The following FRMD5 variants were observed in gnomAD, a reference collection of about 807,000 sequenced individuals.
FRMD5 encodes FERM domain containing 5.
Under a neutral mutation model 69.0 loss-of-function variants are expected in FRMD5, and 20 were observed. The ratio of observed to expected loss-of-function variants is 0.29; its 90% confidence interval spans 0.20 to 0.42. The LOEUF is 0.42. Among genes scored for constraint, FRMD5 ranks in the 10% least tolerant of loss-of-function variants. The probability of loss-of-function intolerance (pLI) is 1.00; values close to 1 mark genes in which losing one functional copy is unlikely to be tolerated. For synonymous variants in FRMD5, 271 were observed against 260.1 expected, an observed-to-expected ratio of 1.04 and a Z score of -0.40; for missense variants, 595 against 708.6, an observed-to-expected ratio of 0.84 and a Z score of 1.82.
chr15:43,880,802 G>C (rs1423265093), intron 13 of FRMD5, among the ~76,000 whole-genome samples: 1 of 152,190 alleles, frequency 6.6e-6, no homozygotes, highest in Non-Finnish European at 1.5e-5. Context: ...CTGGCCCTAG[G>C]GGGCCTATAC....
intron 1 of FRMD5, among the ~76,000 whole-genome samples, chr15:43,939,114 G>A (rs556044041): frequency 9.2e-5 from 14 of 151,750 alleles, no homozygotes; most frequent in African/African-American, 3.1e-4. Context: ...CAGGTGATCC[G>A]CCTGCCTCGG....
chr15:44,073,059 G>A (rs553219257), intron 1 of FRMD5, among the ~76,000 whole-genome samples: 7 of 152,136 alleles, frequency 4.6e-5, no homozygotes, highest in Admixed American at 4.6e-4. Context: ...GCCAGAGCCT[G>A]GGAGTTAAAG....
intron 1 of FRMD5, among the ~76,000 whole-genome samples, chr15:44,122,665 A>G (rs1377034079): frequency 6.6e-6 from 1 of 152,222 alleles, no homozygotes; most frequent in Non-Finnish European, 1.5e-5. Flanking sequence ...GGCCCAACCC[A>G]GGCTGAGGGC....
rs777005934 is a variant in FRMD5, at chr15:44,194,879, C to T, written c.102+74G>A. Reference sequence around the variant, plus strand: ...GCTGGGGCGACCCCTGGGCGGCGGCCGCCGCCGGCCAAGTTGACCAGACTT... The same window carrying T: ...GCTGGGGCGACCCCTGGGCGGCGGCTGCCGCCGGCCAAGTTGACCAGACTT... On this transcript the variant is annotated intron_variant, in intron 1 of 13. Transcript: ENST00000417257. 22 of 1,330,504 alleles carry T rather than the reference C, an allele frequency of 1.7e-5. No homozygotes were observed. In the African/African-American group the frequency reaches 3.0e-4, roughly 18 times the overall value. The allele number at this position is 1,330,504 out of a possible 1,614,324, so 82.4% of individuals were successfully genotyped here. A position where few individuals can be genotyped will look rare whatever the true frequency, so the allele number is the denominator to read the frequency against.
At chr15:43,914,183 G>C (rs2089341625) in intron 4 of FRMD5, among the ~76,000 whole-genome samples, 1 of 152,182 alleles carries the variant, frequency 6.6e-6, no homozygotes, top group African/African-American at 2.4e-5. Context: ...TGATATCAGA[G>C]GGTAGAAATG....
intron 1 of FRMD5, among the ~76,000 whole-genome samples, chr15:44,136,745 T>C (rs779672905): frequency 3.3e-5 from 5 of 152,188 alleles, no homozygotes; most frequent in Non-Finnish European, 7.3e-5. Flanking sequence ...TGCAATGTTA[T>C]GGTTGAGACA....
chr15:44,128,834 TA>T (rs942657188), intron 1 of FRMD5, among the ~76,000 whole-genome samples: 7 of 148,778 alleles, frequency 4.7e-5, no homozygotes, highest in Non-Finnish European at 7.4e-5. Flanking sequence ...TTAAAGGAGC[TA>T]AAAAAAAGAA....
At chr15:44,139,238 TAAA>T (rs2077230653) in intron 1 of FRMD5, among the ~76,000 whole-genome samples, 1 of 151,586 alleles carries the variant, frequency 6.6e-6, no homozygotes, top group Non-Finnish European at 1.5e-5. Flanking sequence ...TTATGAATGT[TAAA>T]AACTTAGAAA....
intron 1 of FRMD5, among the ~76,000 whole-genome samples, chr15:44,112,460 C>T (rs1298109921): frequency 6.6e-6 from 1 of 151,112 alleles, no homozygotes; most frequent in Non-Finnish European, 1.5e-5. Context: ...TGCCACTGCA[C>T]CTTCACTGAT....
At chr15:43,884,637 G>T in intron 12 of FRMD5, 90 bp downstream of exon 12, 1 of 1,172,258 alleles carries the variant, frequency 8.5e-7, no homozygotes, top group Admixed American at 2.0e-5. Flanking sequence ...GTAGCCACTG[G>T]AGCCAGGGGC....
chr15:43,979,010 T>A (rs2090507646), intron 1 of FRMD5, among the ~76,000 whole-genome samples: 1 of 152,204 alleles, frequency 6.6e-6, no homozygotes, highest in South Asian at 2.1e-4. Flanking sequence ...AGGACAACAC[T>A]ATTTTTGGCA....
At chr15:43,946,003 C>T (rs1384521912) in intron 1 of FRMD5, among the ~76,000 whole-genome samples, 4 of 151,690 alleles carry the variant, frequency 2.6e-5, no homozygotes, top group African/African-American at 7.3e-5. Context: ...TGTAGTGAGC[C>T]GAGATTGCAC....
chr15:44,144,609 T>C (rs991780245), intron 1 of FRMD5, among the ~76,000 whole-genome samples: 1 of 152,214 alleles, frequency 6.6e-6, no homozygotes, highest in African/African-American at 2.4e-5. Flanking sequence ...GCTAAGTGGT[T>C]TCTGTGAACT....
At chr15:44,132,231 C>T (rs551793731) in intron 1 of FRMD5, among the ~76,000 whole-genome samples, 2 of 152,308 alleles carry the variant, frequency 1.3e-5, no homozygotes, top group African/African-American at 4.8e-5. Flanking sequence ...TGGCTGTAAA[C>T]ACAGATGAAG....
Position 43,873,939 on chromosome 15 carries a change from C to T in FRMD5, c.1659G>A (p.Arg553=). ...AGCGGATTTTGCAGGCAAACCATCG[C>T]CTGAGGGGACAAAAGTATTGATAGT... ...QFHYQYFCPL[R]RWFACKIRSV... Residue 553 remains arginine (R), a synonymous_variant, in exon 14 of 14, where the codon AGG becomes AGA. Coordinates refer to ENST00000417257, the MANE Select transcript of FRMD5 (RefSeq NM_032892.5). The T allele has an allele frequency of 1.2e-6, 2 of 1,614,112 alleles. No homozygotes were observed. Among genetic ancestry groups the T allele is most frequent in the Non-Finnish European group, 1.7e-6 (2 of 1,180,026 alleles).
At chr15:44,195,387 T>C, upstream of FRMD5, 4 of 376,524 alleles carry the variant, frequency 1.1e-5, no homozygotes. Context: ...CCAATCGAGA[T>C]AGAGTACTGG....
intron 1 of FRMD5, among the ~76,000 whole-genome samples, chr15:44,017,611 T>C (rs1891025563): frequency 6.8e-6 from 1 of 146,450 alleles, no homozygotes; most frequent in Non-Finnish European, 1.5e-5. Flanking sequence ...TCCCCAAATA[T>C]TTCTTTTTTT....
rs2088731443 is a variant in FRMD5 at position 43,888,979 on chromosome 15, A to G, written c.729-107T>C. 4 of 918,094 alleles carry G rather than the reference A, an allele frequency of 4.4e-6. No homozygotes were observed. In the East Asian group the frequency reaches 9.7e-5, roughly 22 times the overall value. 56.9% of individuals were successfully genotyped at this position (918,094 alleles called of 1,614,324 possible). ...CAACTGGAAGGGGCTCCAGGCACAG[A>G]CACAATTTTAGCCAAAATCAGAACT... On this transcript the variant is annotated intron_variant, in intron 8 of 13. Transcript: ENST00000417257.
chr15:43,893,153 G>T (rs1567214638), intron 7 of FRMD5, among the ~76,000 whole-genome samples: 1 of 151,840 alleles, frequency 6.6e-6, no homozygotes, highest in African/African-American at 2.4e-5. Flanking sequence ...ACATTTTATG[G>T]TATGTGAATT....
Sources: gnomAD v4.1 joint callset for allele counts (sites outside exome capture counted in the v4.1 genomes callset) on GRCh38, gnomAD v4.1.1 for gene constraint, MANE v1.5 for transcripts, NCBI Gene and HGNC (gene_info 2026-07-23, HGNC 2026-07-21) for gene names.